Variants in AKIRIN1 observed in about 807,000 individuals in gnomAD.
The protein encoded by AKIRIN1 is akirin-1.
Under a neutral mutation model 25.9 loss-of-function variants are expected in AKIRIN1, and 4 were observed. The observed-to-expected ratio is 0.15, with a 90% confidence interval of 0.08 to 0.35. AKIRIN1 has a LOEUF of 0.35. Among genes scored for constraint, AKIRIN1 ranks in the 10% least tolerant of loss-of-function variants. The probability of loss-of-function intolerance (pLI) is 1.00; values close to 1 mark genes in which losing one functional copy is unlikely to be tolerated. For synonymous variants in AKIRIN1, 125 were observed against 105.1 expected (o/e 1.19, Z -1.16); for missense variants, 243 against 266.1 (o/e 0.91, Z 0.61).
chr1:38,991,627 A>G (rs1476482527), intron 1 of AKIRIN1, 27 bp downstream of exon 1: 1 of 970,324 alleles, frequency 1.0e-6, no homozygotes, highest in Non-Finnish European at 1.2e-6. Context: ...TGGGTTTGGC[A>G]GGAAGCCAGG....
intron 1 of AKIRIN1, among the ~76,000 whole-genome samples, 175 bp downstream of exon 1, chr1:38,991,775 C>T (rs1023976239): frequency 6.6e-6 from 1 of 152,004 alleles, no homozygotes; most frequent in African/African-American, 2.4e-5. Flanking sequence ...GGGAGGCATC[C>T]GGGAGGGGTA....
At chr1:38,992,944 G>A (rs957777174) in intron 1 of AKIRIN1, among the ~76,000 whole-genome samples, 2 of 152,152 alleles carry the variant, frequency 1.3e-5, no homozygotes, top group African/African-American at 2.4e-5. Flanking sequence ...TTATGTACAG[G>A]ATGAGATAAT....
chr1:38,998,636 G>C (rs2148067540), intron 2 of AKIRIN1, among the ~76,000 whole-genome samples: 1 of 152,244 alleles, frequency 6.6e-6, no homozygotes, highest in South Asian at 2.1e-4. Context: ...GGCTGAGGTG[G>C]CTCATGCCTG....
intron 1 of AKIRIN1, among the ~76,000 whole-genome samples, chr1:38,994,611 T>C (rs1317109449): frequency 6.6e-6 from 1 of 150,724 alleles, no homozygotes; most frequent in East Asian, 2.0e-4. Context: ...GTTCAAGCGA[T>C]TCTCCTGCCT....
chr1:38,991,308 C>T lies in AKIRIN1; in HGVS notation c.-73C>T. ...GCGCCATTGGAGCCGGCTTGGCTGG[C>T]GAGCCCGGCTGAGGAGCCTCTTGGG... On this transcript the variant is annotated 5_prime_UTR_variant, in exon 1 of 5. Transcript: ENST00000432648. The T allele has an allele frequency of 2.4e-6, 3 of 1,260,458 alleles. No homozygotes were observed. The highest frequency in any genetic ancestry group is 4.4e-5 in the South Asian group (2 of 45,540). 78.1% of individuals were successfully genotyped at this position (1,260,458 alleles called of 1,614,324 possible). A position where few individuals can be genotyped will look rare whatever the true frequency, so the allele number is the denominator to read the frequency against.
chr1:39,002,526 C>G (rs531101497), intron 3 of AKIRIN1, among the ~76,000 whole-genome samples: 9 of 152,190 alleles, frequency 5.9e-5, no homozygotes, highest in Admixed American at 5.9e-4. Context: ...GTCAGGAGAT[C>G]GAGACCATGC....
At chr1:38,992,937 T>G (rs1437948350) in intron 1 of AKIRIN1, among the ~76,000 whole-genome samples, 3 of 152,216 alleles carry the variant, frequency 2.0e-5, no homozygotes, top group Non-Finnish European at 4.4e-5. Flanking sequence ...TATAACCTTA[T>G]GTACAGGATG....
chr1:38,995,261 A>C (rs1217250629), intron 1 of AKIRIN1, among the ~76,000 whole-genome samples: 1 of 152,178 alleles, frequency 6.6e-6, no homozygotes, highest in South Asian at 2.1e-4. Flanking sequence ...TCCAGATGGA[A>C]CCAGGAAAAT....
rs10528399 is a variant in AKIRIN1, at chr1:38,994,672, A to ATTTTTTTTTTTTTTTT, written c.220+3091_220+3106dup. On this transcript the variant is annotated intron_variant, in intron 1 of 4. Coordinates refer to ENST00000432648, the MANE Select transcript of AKIRIN1 (RefSeq NM_024595.3). ...AGGCATGTGTCACTACGCTCGGCTA[A>ATTTTTTTTTTTTTTTT]TTTTTTTTTTTTTTTTTTTTTTTTT... is the stretch of plus-strand genomic sequence containing the variant. Among the ~76,000 whole-genome samples the ATTTTTTTTTTTTTTTT allele has an allele frequency of 8.5e-4, 54 of 63,542 alleles. 3 individuals are homozygous for ATTTTTTTTTTTTTTTT. Among genetic ancestry groups the ATTTTTTTTTTTTTTTT allele is most frequent in the East Asian group, 2.3e-3 (3 of 1,298 alleles). 41.7% of individuals were successfully genotyped at this position (63,542 alleles called of 152,430 possible).
chr1:38,999,039 T>A (rs1178360079), intron 2 of AKIRIN1, among the ~76,000 whole-genome samples: 2 of 152,098 alleles, frequency 1.3e-5, no homozygotes, highest in Non-Finnish European at 2.9e-5. Flanking sequence ...TGACAAATGG[T>A]CAAAGAGGAT....
intron 1 of AKIRIN1, among the ~76,000 whole-genome samples, chr1:38,993,765 C>T (rs1360159798): frequency 6.6e-6 from 1 of 151,854 alleles, no homozygotes; most frequent in Non-Finnish European, 1.5e-5. Flanking sequence ...ATAATGAGAC[C>T]TTGTTTCCAC....
intron 1 of AKIRIN1, among the ~76,000 whole-genome samples, chr1:38,993,209 C>A (rs11205515): frequency 1.3e-5 from 2 of 151,968 alleles, no homozygotes; most frequent in Non-Finnish European, 2.9e-5. Context: ...TACTACTATC[C>A]TCTAGACTAA....
rs1643902211 is a variant in AKIRIN1 at position 38,991,278 on chromosome 1, T to G, written c.-103T>G. On this transcript the variant is annotated 5_prime_UTR_variant, in exon 1 of 5. Coordinates refer to ENST00000432648, the MANE Select transcript of AKIRIN1 (RefSeq NM_024595.3). Reference sequence around the variant, plus strand: ...CGGGGCCAGCGCCGCTGCCGGGTGCTGGAGGCGCCATTGGAGCCGGCTTGG... The same window carrying G: ...CGGGGCCAGCGCCGCTGCCGGGTGCGGGAGGCGCCATTGGAGCCGGCTTGG... 9.6e-7 allele frequency: 1 copy of G among 1,038,416 alleles called. No homozygotes were observed. Among genetic ancestry groups the G allele is most frequent in the Non-Finnish European group, 1.3e-6 (1 of 788,320 alleles). The allele number at this position is 1,038,416 out of a possible 1,614,324, so 64.3% of individuals were successfully genotyped here.
intron 1 of AKIRIN1, among the ~76,000 whole-genome samples, chr1:38,997,954 G>A (rs900399171): frequency 6.6e-6 from 1 of 152,112 alleles, no homozygotes; most frequent in Admixed American, 6.6e-5. Context: ...TGAAATAGTG[G>A]CAATAAGAAC....
intron 4 of AKIRIN1, 79 bp downstream of exon 4, chr1:39,003,497 TA>T (rs1644010441): frequency 5.9e-6 from 8 of 1,365,070 alleles, no homozygotes; most frequent in Non-Finnish European, 8.2e-6. Flanking sequence ...CTCCTCAGAG[TA>T]AAAAGTCCCT....
chr1:38,991,677 G>GA, intron 1 of AKIRIN1, 77 bp downstream of exon 1: 15 of 192,404 alleles, frequency 7.8e-5, no homozygotes, highest in Non-Finnish European at 1.6e-4. Context: ...GGAGGGTTGG[G>GA]AATACCAGGC....
chr1:39,002,435 A>T (rs1398918997), intron 3 of AKIRIN1, among the ~76,000 whole-genome samples: 1 of 152,190 alleles, frequency 6.6e-6, no homozygotes, highest in Non-Finnish European at 1.5e-5. Flanking sequence ...TATGTATTAT[A>T]AGAAGAAGGT....
At chr1:39,001,189 G>A (rs2148069100) in intron 3 of AKIRIN1, 83 bp downstream of exon 3, 1 of 1,471,914 alleles carries the variant, frequency 6.8e-7, no homozygotes, top group Non-Finnish European at 9.1e-7. Flanking sequence ...GAAAAAGAGA[G>A]TAGGACCTCA....
At chr1:38,992,121 C>G (rs2148063551) in intron 1 of AKIRIN1, among the ~76,000 whole-genome samples, 1 of 152,322 alleles carries the variant, frequency 6.6e-6, no homozygotes, top group East Asian at 1.9e-4. Flanking sequence ...GTCACGGAAT[C>G]CGATTTCAAC....
Sources: gnomAD v4.1 joint callset for allele counts (sites outside exome capture counted in the v4.1 genomes callset) on GRCh38, gnomAD v4.1.1 for gene constraint, MANE v1.5 for transcripts, NCBI Gene and HGNC (gene_info 2026-07-23, HGNC 2026-07-21) for gene names.